RHOJ: variants seen among roughly 807,000 people sequenced by gnomAD.
The protein encoded by RHOJ is ras homolog family member J, also known as rho-related GTP-binding protein RhoJ.
In RHOJ, 11 loss-of-function variants were observed where a neutral mutation model predicts 23.4. That is an observed-to-expected ratio of 0.47 (90% CI 0.30 to 0.78). RHOJ has a LOEUF of 0.78. Ranked by LOEUF, RHOJ falls within the 30% of genes least tolerant of loss-of-function variation. RHOJ has a pLI of 0.08. For synonymous variants in RHOJ, 102 were observed against 102.7 expected (o/e 0.99, Z 0.04); for missense variants, 254 against 273.4 (o/e 0.93, Z 0.50).
intron 1 of RHOJ, among the ~76,000 whole-genome samples, chr14:63,224,851 C>A (rs899255196): frequency 1.3e-5 from 2 of 152,148 alleles, no homozygotes; most frequent in African/African-American, 2.4e-5. Context: ...CCCAGCCCCT[C>A]GACCCCATCT....
intron 1 of RHOJ, among the ~76,000 whole-genome samples, chr14:63,262,212 C>G (rs988096902): frequency 6.6e-6 from 1 of 152,168 alleles, no homozygotes; most frequent in Non-Finnish European, 1.5e-5. Context: ...AGGGCATGAA[C>G]GACACTTCCT....
At chr14:63,288,565 T>C (rs553359032) in intron 4 of RHOJ, among the ~76,000 whole-genome samples, 2 of 152,360 alleles carry the variant, frequency 1.3e-5, no homozygotes, top group East Asian at 3.9e-4. Flanking sequence ...CAAAATGCAA[T>C]AGAAGGCATT....
intron 1 of RHOJ, among the ~76,000 whole-genome samples, chr14:63,224,978 G>C (rs1275478379): frequency 1.4e-4 from 21 of 149,404 alleles, no homozygotes; most frequent in Non-Finnish European, 2.7e-4. Context: ...TTTGAGATGG[G>C]GTCTCGCCTT....
intron 1 of RHOJ, among the ~76,000 whole-genome samples, chr14:63,249,634 T>C (rs1390381108): frequency 6.6e-6 from 1 of 152,242 alleles, no homozygotes; most frequent in Non-Finnish European, 1.5e-5. Flanking sequence ...TTGAACCTCA[T>C]GTTAGTAGAA....
chr14:63,242,366 C>G (rs923753059), intron 1 of RHOJ, among the ~76,000 whole-genome samples: 33 of 152,148 alleles, frequency 2.2e-4, no homozygotes, highest in Admixed American at 2.2e-3. Flanking sequence ...TTGAGAACAC[C>G]CTGGGCACCA....
At chr14:63,231,526 A>T (rs1162078277) in intron 1 of RHOJ, among the ~76,000 whole-genome samples, 1 of 152,232 alleles carries the variant, frequency 6.6e-6, no homozygotes, top group Non-Finnish European at 1.5e-5. Context: ...CCATGTTAGG[A>T]ATGGACGCAC....
intron 1 of RHOJ, among the ~76,000 whole-genome samples, chr14:63,206,123 A>G (rs913669202): frequency 5.9e-5 from 9 of 152,186 alleles, no homozygotes; most frequent in African/African-American, 1.4e-4. Context: ...TCCTCCTTCT[A>G]TAGAAAGTAG....
intron 1 of RHOJ, among the ~76,000 whole-genome samples, chr14:63,218,447 G>A (rs567596598): frequency 5.9e-5 from 9 of 152,220 alleles, no homozygotes; most frequent in South Asian, 2.1e-4. Context: ...ATGCATTTTC[G>A]TCCCTGTGAT....
chr14:63,226,758 G>C (rs117046194), intron 1 of RHOJ, among the ~76,000 whole-genome samples: 3 of 151,728 alleles, frequency 2.0e-5, no homozygotes, highest in African/African-American at 7.3e-5. Context: ...TTTTTGCTAG[G>C]ATAATTAAAC....
At chr14:63,215,698 G>A (rs746526292) in intron 1 of RHOJ, among the ~76,000 whole-genome samples, 5 of 152,124 alleles carry the variant, frequency 3.3e-5, no homozygotes, top group Admixed American at 1.3e-4. Flanking sequence ...CACAAAGGGG[G>A]CCCACTCTGA....
At chr14:63,238,579 G>A (rs8009790) in intron 1 of RHOJ, among the ~76,000 whole-genome samples, 2 of 152,054 alleles carry the variant, frequency 1.3e-5, no homozygotes, top group Non-Finnish European at 2.9e-5. Context: ...ACAACACCAT[G>A]CCCGGATAAT....
At chr14:63,238,518 G>A (rs1894829261) in intron 1 of RHOJ, among the ~76,000 whole-genome samples, 1 of 152,132 alleles carries the variant, frequency 6.6e-6, no homozygotes, top group South Asian at 2.1e-4. Context: ...CCAGGCTCAA[G>A]CCATCCACCC....
chr14:63,275,058 A>T (rs1020485702), intron 2 of RHOJ, among the ~76,000 whole-genome samples: 3 of 152,142 alleles, frequency 2.0e-5, no homozygotes, highest in Non-Finnish European at 4.4e-5. Flanking sequence ...TCACCTGGAC[A>T]TTTGCTAGAA....
chr14:63,276,571 CT>C (rs1268228429), intron 2 of RHOJ, among the ~76,000 whole-genome samples: 5 of 151,994 alleles, frequency 3.3e-5, no homozygotes, highest in Non-Finnish European at 7.4e-5. Flanking sequence ...GGCACGAAAT[CT>C]TTTTAAATGG....
rs867040731 is a variant in RHOJ at position 63,232,467 on chromosome 14, T to A, written c.178+27420T>A. On this transcript the variant is annotated intron_variant, in intron 1 of 4. Transcript: ENST00000316754. ...TGTGTGTCAGAGCCACTTCCCTGAA[T>A]AGCTGTTTAGCAAGTTGGCCAGAAT... 9.9e-5 allele frequency among the ~76,000 whole-genome samples: 15 copies of A among 152,276 alleles called. No homozygotes were observed. The Middle Eastern group carries it at 0.01, about 104-fold the overall frequency.
intron 4 of RHOJ, among the ~76,000 whole-genome samples, chr14:63,287,907 A>G (rs895582707): frequency 7.2e-5 from 11 of 152,078 alleles, no homozygotes; most frequent in African/African-American, 2.7e-4. Context: ...TAAGGGCCAC[A>G]TTTCCTTGAG....
intron 1 of RHOJ, among the ~76,000 whole-genome samples, chr14:63,262,156 C>A (rs1030479890): frequency 1.3e-5 from 2 of 152,226 alleles, no homozygotes; most frequent in African/African-American, 4.8e-5. Context: ...CCACTCTCGG[C>A]AGCTGAGACA....
chr14:63,244,701 C>T (rs1034243650), intron 1 of RHOJ, among the ~76,000 whole-genome samples: 7 of 152,228 alleles, frequency 4.6e-5, no homozygotes, highest in Non-Finnish European at 7.3e-5. Flanking sequence ...GACACATTAT[C>T]TCTAATCCTT....
At chr14:63,287,553 A>G (rs1594780108) in intron 4 of RHOJ, among the ~76,000 whole-genome samples, 1 of 151,094 alleles carries the variant, frequency 6.6e-6, no homozygotes, top group South Asian at 2.1e-4. Flanking sequence ...AACTAGAACA[A>G]CATGGAAGAA....
Sources: gnomAD v4.1 joint callset for allele counts (sites outside exome capture counted in the v4.1 genomes callset) on GRCh38, gnomAD v4.1.1 for gene constraint, MANE v1.5 for transcripts, NCBI Gene and HGNC (gene_info 2026-07-23, HGNC 2026-07-21) for gene names.